LAMA5: variants seen among roughly 807,000 people sequenced by gnomAD.
LAMA5 encodes laminin subunit alpha-5.
LAMA5 carries 260 observed loss-of-function variants against 433.4 expected under a neutral mutation model. The observed-to-expected ratio is 0.60, with a 90% CI of 0.54 to 0.66. LAMA5 has a LOEUF of 0.66. LAMA5 is among the 30% of genes least tolerant of loss of function. The pLI, the probability that LAMA5 is intolerant of heterozygous loss-of-function variation, is 0.00. For missense variants in LAMA5, 5,378 were observed against 5,258.5 expected (o/e 1.02, Z -0.70); for synonymous variants, 2,620 against 2,226.6 (o/e 1.18, Z -4.97).
At position 62,319,023 on chromosome 20, in the gene LAMA5, AG is replaced by A; in HGVS notation, c.6872-11del. ...GTCTGGGACATGAGCTCTGTGGGGC[AG>A]GGGTTCGTCAGAGCCTGGGGCCGCC... On this transcript the variant is annotated splice_polypyrimidine_tract_variant and intron_variant, in intron 51 of 79. Transcript: ENST00000252999. 6.4e-7 allele frequency: 1 copy of A among 1,557,508 alleles called. No individual in the cohort carries two copies.
chr20:62,352,857 G>A (rs551021160), intron 3 of LAMA5: 3 of 424,576 alleles, frequency 7.1e-6, no homozygotes, highest in South Asian at 6.7e-5. Flanking sequence ...TTGTCACCAC[G>A]GGAGCTGCCG....
In LAMA5 at chr20:62,338,316, C is replaced by G; in HGVS notation, c.1672G>C (p.Gly558Arg). 1.2e-6 allele frequency: 2 copies of G among 1,607,592 alleles called. No homozygotes were observed. Among genetic ancestry groups the G allele is most frequent in the Non-Finnish European group, 1.7e-6 (2 of 1,177,432 alleles). The change falls in exon 13 of 80, where the codon GGC becomes CGC. Residue 558 changes from glycine (G) to arginine (R), a missense_variant. Coordinates refer to ENST00000252999, the MANE Select transcript of LAMA5 (RefSeq NM_005560.6). ...AAGCCCACTCGGCACCTGCACTGGC[C>G]TGTGTCAGGGTCACAGCGGTCATCG... is the stretch of plus-strand genomic sequence containing the variant. ...VADDRCDPDT[G>R]QCRCRVGFEG...
rs1010937431 is a variant in LAMA5, at chr20:62,309,785, G to A, written c.10879C>T (p.His3627Tyr). 1 of 1,608,664 alleles carries A rather than the reference G, an allele frequency of 6.2e-7. No homozygotes were observed. Among genetic ancestry groups the A allele is most frequent in the African/African-American group, 1.3e-5 (1 of 74,684 alleles). ...LRLEVDAQSN[H>Y]TVGPLLAAAA... ...GCCGCCAGCAAGGGGCCCACGGTGT[G>A]GTTGCTCTGCGCGTCCACCTCCAGC... Residue 3627 changes from histidine to tyrosine, a missense_variant, in exon 79 of 80, where the codon CAC becomes TAC. By Grantham distance (83) the His-to-Tyr change is moderately conservative (BLOSUM62 2). Transcript: ENST00000252999.
chr20:62,332,104 G>A (rs1980572826), intron 28 of LAMA5, among the ~76,000 whole-genome samples: 1 of 152,034 alleles, frequency 6.6e-6, no homozygotes, highest in Admixed American at 6.6e-5. Flanking sequence ...AACGCTGTCT[G>A]TGCCAGGAGG....
chr20:62,309,335 C>T lies in LAMA5; in HGVS notation c.*1G>A. The T allele has an allele frequency of 6.3e-7, 1 of 1,591,854 alleles. No individual in the cohort carries two copies. The highest frequency in any genetic ancestry group is 8.5e-7 in the Non-Finnish European group (1 of 1,177,450). ...GACCAGGGGCCGGGGTTGGCTGTGT[C>T]CTAGGCGGCTGGGCAGCCACTGGCC... is the stretch of plus-strand genomic sequence containing the variant. On this transcript the variant is annotated 3_prime_UTR_variant, in exon 80 of 80. Coordinates refer to ENST00000252999, the MANE Select transcript of LAMA5 (RefSeq NM_005560.6).
intron 43 of LAMA5, 50 bp from the exon 44 acceptor site, chr20:62,323,906 CCGGGCG>C (rs1978796736): frequency 3.3e-6 from 5 of 1,537,640 alleles, no homozygotes; most frequent in Non-Finnish European, 4.4e-6. Flanking sequence ...GTGCCCGGGC[CCGGGCG>C]AGCACACTGT....
Position 62,332,999 on chromosome 20 carries a change from G to A in LAMA5, c.3282+91C>T, listed in dbSNP as rs570475824. 8.9e-6 allele frequency: 12 copies of A among 1,351,394 alleles called. No homozygotes were observed. The East Asian group carries it at 1.3e-4, about 15-fold the overall frequency. 83.7% of individuals were successfully genotyped at this position (1,351,394 alleles called of 1,614,324 possible). A position where few individuals can be genotyped will look rare whatever the true frequency, so the allele number is the denominator to read the frequency against. ...GCTCCATTGCCTGAGGCAGCGCCCT[G>A]CTCCTATAACCTGCCACCGCCACAG... On this transcript the variant is annotated intron_variant, in intron 26 of 79. Coordinates refer to ENST00000252999, the MANE Select transcript of LAMA5 (RefSeq NM_005560.6).
In LAMA5 at chr20:62,318,890, C is replaced by T. The variant is rs528524442; in HGVS notation, c.6995G>A (p.Gly2332Glu). Residue 2332 changes from glycine (G) to glutamate (E), a missense_variant, in exon 52 of 80, where the codon GGG (glycine) becomes GAG (glutamate). Gly to Glu is a moderately conservative substitution (Grantham distance 98, BLOSUM62 -2). Coordinates refer to ENST00000252999, the MANE Select transcript of LAMA5 (RefSeq NM_005560.6). ...LLWEMRARDL[G>E]APQAAAEAEL... ...AGCCTCAGCTGCTGCCTGCGGGGCCCCCAGGTCCCGGGCCCGCATCTCCCA... is the reference window on the plus strand; with the variant it reads ...AGCCTCAGCTGCTGCCTGCGGGGCCTCCAGGTCCCGGGCCCGCATCTCCCA... 1.2e-6 allele frequency: 2 copies of T among 1,608,014 alleles called. No homozygotes were observed. The highest frequency in any genetic ancestry group is 2.2e-5 in the South Asian group (2 of 90,768).
intron 6 of LAMA5, among the ~76,000 whole-genome samples, chr20:62,348,298 T>C (rs995014848): frequency 1.3e-5 from 2 of 152,036 alleles, no homozygotes; most frequent in African/African-American, 4.8e-5. Context: ...ATGTTAAAAA[T>C]GGTCATAAAG....
At chr20:62,341,781 G>A (rs1419106626) in intron 11 of LAMA5, among the ~76,000 whole-genome samples, 2 of 134,278 alleles carry the variant, frequency 1.5e-5, no homozygotes, top group Non-Finnish European at 3.0e-5. Context: ...CCTGTACTTC[G>A]AACAGACCAA....
intron 47 of LAMA5, 25 bp from the exon 48 acceptor site, chr20:62,322,193 A>C (rs765588525): frequency 6.3e-7 from 1 of 1,578,416 alleles, no homozygotes; most frequent in East Asian, 2.3e-5. Flanking sequence ...TTGGGTGAGC[A>C]TGGCTGGCCT....
In LAMA5 at chr20:62,316,689, G is replaced by T; in HGVS notation, c.7738C>A (p.Gln2580Lys). The T allele has an allele frequency of 6.2e-7, 1 of 1,605,400 alleles. No individual in the cohort carries two copies. The change falls in exon 57 of 80, where the codon CAG (glutamine) becomes AAG (lysine). Residue 2580 changes from glutamine (Q) to lysine (K), a missense_variant. Coordinates refer to ENST00000252999, the MANE Select transcript of LAMA5 (RefSeq NM_005560.6). The stretch of plus-strand genomic sequence containing the variant: ...CACTCACCAAGGCCCAGCCTCTGCT[G>T]TTCCTGGAGCATGGCCTCTTCTAGT... ...TALEEAMLQE[Q>K]QRLGLVWAAL... is the part of the protein sequence containing the mutation.
At chr20:62,360,130 C>G (rs954470418) in intron 2 of LAMA5, among the ~76,000 whole-genome samples, 1 of 151,180 alleles carries the variant, frequency 6.6e-6, no homozygotes, top group Non-Finnish European at 1.5e-5. Context: ...TCCCTGCCCC[C>G]ACCCTGACCA....
Position 62,322,712 on chromosome 20 carries a change from G to A in LAMA5, c.6111C>T (p.Ser2037=), listed in dbSNP as rs769341323. Residue 2037 remains serine (S), a synonymous_variant, in exon 46 of 80, where the codon AGC becomes AGT. Transcript: ENST00000252999. Reference sequence around the variant, plus strand: ...CGCCCGCCTTGCACAGGCAGTGCCCGCTGTGGGGGTCGCAGGCCTCTGTCC... The same window carrying A: ...CGCCCGCCTTGCACAGGCAGTGCCCACTGTGGGGGTCGCAGGCCTCTGTCC... The part of the protein sequence containing the change: ...PCGTEACDPH[S]GHCLCKAGVT... The A allele has an allele frequency of 6.6e-5, 99 of 1,492,242 alleles. No homozygotes were observed. Among genetic ancestry groups the A allele is most frequent in the East Asian group, 2.4e-4 (9 of 37,376 alleles). The allele number at this position is 1,492,242 out of a possible 1,614,324, so 92.4% of individuals were successfully genotyped here.
rs1317781299 is a variant in LAMA5, at chr20:62,322,456, C to T, written c.6166-7G>A. 3 of 1,574,480 alleles carry T rather than the reference C, an allele frequency of 1.9e-6. No homozygotes were observed. The highest frequency in any genetic ancestry group is 1.8e-5 in the Admixed American group (1 of 54,364). On this transcript the variant is annotated splice_region_variant and splice_polypyrimidine_tract_variant and intron_variant, in intron 46 of 79. Transcript: ENST00000252999. ...CGAAACCAAAATGTCCCTCCTGTGG[C>T]ACAGGCTGGTCACTGCCCTGCCCAG...
At chr20:62,310,878 A>C (rs771826378) in intron 74 of LAMA5, 24 bp downstream of exon 74, 3 of 1,606,738 alleles carry the variant, frequency 1.9e-6, no homozygotes, top group Non-Finnish European at 2.5e-6. Context: ...CCTGCCCACC[A>C]CCTTCCTTCT....
chr20:62,340,080 C>T (rs907177999), intron 11 of LAMA5, among the ~76,000 whole-genome samples: 2 of 152,064 alleles, frequency 1.3e-5, no homozygotes, highest in Non-Finnish European at 2.9e-5. Flanking sequence ...GAAGCTCAGG[C>T]ATGTCACCCA....
rs560386755 is a variant in LAMA5 at position 62,310,323 on chromosome 20, G to T, written c.10601-12C>A. 1.2e-5 allele frequency: 19 copies of T among 1,590,222 alleles called. No individual in the cohort carries two copies. In the African/African-American group the frequency reaches 2.4e-4, roughly 20 times the overall value. Reference sequence around the variant, plus strand: ...AGCTCCTGGGAGGTCTGCGGGGAGGGGTTGTGATGGAGAAGAAAGGGGGGG... The same window carrying T: ...AGCTCCTGGGAGGTCTGCGGGGAGGTGTTGTGATGGAGAAGAAAGGGGGGG... On this transcript the variant is annotated splice_polypyrimidine_tract_variant and intron_variant, in intron 76 of 79. Coordinates refer to ENST00000252999, the MANE Select transcript of LAMA5 (RefSeq NM_005560.6).
intron 51 of LAMA5, chr20:62,319,249 T>C: frequency 1.8e-6 from 1 of 559,406 alleles, no homozygotes; most frequent in Non-Finnish European, 3.2e-6. Flanking sequence ...TCAGCCAGCT[T>C]CTGAGCCTTC....
Sources: allele counts gnomAD v4.1 joint callset (sites outside exome capture counted in the v4.1 genomes callset), GRCh38; gene constraint gnomAD v4.1.1; transcripts MANE v1.5; gene names NCBI Gene and HGNC (gene_info 2026-07-23, HGNC 2026-07-21).